SPIDR: variants seen among roughly 807,000 people sequenced by gnomAD.
SPIDR encodes scaffold protein involved in DNA repair.
In SPIDR, 93 loss-of-function variants were observed where a neutral mutation model predicts 104.6. The ratio of observed to expected loss-of-function variants is 0.89; its 90% CI spans 0.75 to 1.06. SPIDR has a LOEUF of 1.06. SPIDR is among the 50% of genes least tolerant of loss of function. SPIDR has a pLI of 0.00. For missense variants in SPIDR, 1,154 were observed against 1,111.2 expected (o/e 1.04, Z -0.55); for synonymous variants, 431 against 416.9 (o/e 1.03, Z -0.41).
intron 8 of SPIDR, among the ~76,000 whole-genome samples, chr8:47,454,293 A>G (rs931269146): frequency 1.3e-5 from 2 of 152,228 alleles, no homozygotes; most frequent in African/African-American, 2.4e-5. Context: ...AATACCATGC[A>G]GCCATAAAAT....
intron 8 of SPIDR, among the ~76,000 whole-genome samples, chr8:47,559,688 T>A (rs1208738936): frequency 6.6e-6 from 1 of 152,200 alleles, no homozygotes; most frequent in South Asian, 2.1e-4. Context: ...GGTTTAAAGA[T>A]GAGAACAAGG....
intron 5 of SPIDR, among the ~76,000 whole-genome samples, chr8:47,296,747 A>G (rs958815972): frequency 3.9e-4 from 59 of 152,234 alleles, no homozygotes; most frequent in Admixed American, 1.1e-3. Context: ...GTGGTTCCAT[A>G]TGAGTTTTAG....
chr8:47,422,206 G>A (rs1181398457), intron 7 of SPIDR, among the ~76,000 whole-genome samples: 7 of 152,202 alleles, frequency 4.6e-5, no homozygotes, highest in African/African-American at 1.7e-4. Context: ...TGCCCCCAGA[G>A]GTGGAGTCTA....
In SPIDR at chr8:47,694,249, G is replaced by A. The variant is rs1165314986; in HGVS notation, c.1686-6154G>A. Among the ~76,000 whole-genome samples, 4 of 152,188 alleles carry A rather than the reference G, an allele frequency of 2.6e-5. No homozygotes were observed. The South Asian group carries it at 6.2e-4, about 24-fold the overall frequency. ...TTAATAATGATTCAGCAACAAATAG[G>A]AAATTGTTTCTTAGACTGCACTGAA... On this transcript the variant is annotated intron_variant, in intron 11 of 19. Coordinates refer to ENST00000297423, the MANE Select transcript of SPIDR (RefSeq NM_001080394.4).
rs1177368749 is a variant in SPIDR at position 47,729,022 on chromosome 8, G to A, written c.2525G>A (p.Arg842Lys). 1 of 1,613,998 alleles carries A rather than the reference G, an allele frequency of 6.2e-7. No homozygotes were observed. The highest frequency in any genetic ancestry group is 8.5e-7 in the Non-Finnish European group (1 of 1,180,032). Residue 842 changes from arginine (R) to lysine (K), a missense_variant, in exon 18 of 20, where the codon AGA (arginine) becomes AAA (lysine). By Grantham distance (26) the Arg-to-Lys change is conservative. Transcript: ENST00000297423. ...CAGGTCTTCCTGGACTGCCGCTCAAGACCGCAGTGCAGAGTGAAGGTCAAG... is the reference window on the plus strand; with the variant it reads ...CAGGTCTTCCTGGACTGCCGCTCAAAACCGCAGTGCAGAGTGAAGGTCAAG... Reference protein sequence around the residue: ...HLQVFLDCRSRPQCRVKVKLL... With the variant: ...HLQVFLDCRSKPQCRVKVKLL...
intron 10 of SPIDR, among the ~76,000 whole-genome samples, chr8:47,614,591 A>G (rs192891463): frequency 6.6e-6 from 1 of 152,298 alleles, no homozygotes; most frequent in East Asian, 1.9e-4. Flanking sequence ...TATCCAGTCT[A>G]TCATTGGTGG....
chr8:47,321,666 G>A (rs528037027), intron 5 of SPIDR, among the ~76,000 whole-genome samples: 3 of 152,138 alleles, frequency 2.0e-5, no homozygotes, highest in Non-Finnish European at 4.4e-5. Flanking sequence ...AACAAAGCTG[G>A]AGGCATCGTG....
chr8:47,671,834 T>C (rs1275184128), intron 10 of SPIDR, among the ~76,000 whole-genome samples: 5 of 152,214 alleles, frequency 3.3e-5, no homozygotes, highest in African/African-American at 1.2e-4. Flanking sequence ...TTTTAAAATC[T>C]TATTTGTGTG....
chr8:47,726,072 C>T (rs571641982), intron 16 of SPIDR, among the ~76,000 whole-genome samples: 13 of 152,382 alleles, frequency 8.5e-5, no homozygotes, highest in Non-Finnish European at 1.5e-4. Context: ...TGCACCTCCT[C>T]ATGTGCCTGC....
intron 8 of SPIDR, among the ~76,000 whole-genome samples, chr8:47,485,152 C>A (rs2077387450): frequency 6.6e-6 from 1 of 152,240 alleles, no homozygotes; most frequent in Non-Finnish European, 1.5e-5. Flanking sequence ...CCCACCCTAA[C>A]ACAGTGGTTT....
At chr8:47,494,264 A>G (rs2079127904) in intron 8 of SPIDR, among the ~76,000 whole-genome samples, 1 of 151,180 alleles carries the variant, frequency 6.6e-6, no homozygotes, top group Non-Finnish European at 1.5e-5. Flanking sequence ...CTGGGACTAC[A>G]AGTGTAAGCC....
chr8:47,280,117 C>A, intron 2 of SPIDR, 100 bp downstream of exon 2: 2 of 1,235,570 alleles, frequency 1.6e-6, no homozygotes, highest in Non-Finnish European at 2.3e-6. Flanking sequence ...CTTTCTTATT[C>A]TTTCAGAACA....
At chr8:47,731,268 A>G (rs201271036) in intron 19 of SPIDR, among the ~76,000 whole-genome samples, 22 of 151,102 alleles carry the variant, frequency 1.5e-4, no homozygotes, top group Admixed American at 4.0e-4. Context: ...AAAAAAAAAA[A>G]GGGCTTCTGC....
chr8:47,572,605 C>T (rs1162679265), intron 8 of SPIDR, among the ~76,000 whole-genome samples: 7 of 151,560 alleles, frequency 4.6e-5, no homozygotes, highest in African/African-American at 1.7e-4. Flanking sequence ...GAGGTTGCAG[C>T]GAGCTGAGAT....
chr8:47,728,643 C>A (rs934446106), intron 17 of SPIDR: 1 of 288,406 alleles, frequency 3.5e-6, no homozygotes, highest in Non-Finnish European at 6.5e-6. Flanking sequence ...GGCAGCCTGA[C>A]CCCTGGCCTC....
chr8:47,616,346 C>A (rs1440957558), intron 10 of SPIDR, among the ~76,000 whole-genome samples: 2 of 152,062 alleles, frequency 1.3e-5, no homozygotes, highest in Admixed American at 1.3e-4. Flanking sequence ...TCTTTTCCTG[C>A]TTTGTTGAGT....
chr8:47,646,330 T>TGGAGTGGTG (rs1266387202), intron 10 of SPIDR, among the ~76,000 whole-genome samples: 8 of 152,182 alleles, frequency 5.3e-5, no homozygotes, highest in South Asian at 2.1e-4. Flanking sequence ...TTGTCACCAC[T>TGGAGTGGTG]CCAGAGAGAG....
intron 10 of SPIDR, among the ~76,000 whole-genome samples, chr8:47,616,087 A>T (rs953844442): frequency 2.0e-5 from 3 of 152,152 alleles, no homozygotes; most frequent in Non-Finnish European, 4.4e-5. Flanking sequence ...TTTTTAAAAA[A>T]TTTTCTACAT....
At chr8:47,348,782 G>C (rs10094689) in intron 5 of SPIDR, among the ~76,000 whole-genome samples, 1 of 152,132 alleles carries the variant, frequency 6.6e-6, no homozygotes, top group African/African-American at 2.4e-5. Context: ...TTCTCGTGCC[G>C]TGGCTTTCAG....
Sources: allele counts gnomAD v4.1 joint callset (sites outside exome capture counted in the v4.1 genomes callset), GRCh38; gene constraint gnomAD v4.1.1; transcripts MANE v1.5; gene names NCBI Gene and HGNC (gene_info 2026-07-23, HGNC 2026-07-21).